The following SVIL variants were observed in gnomAD, a reference collection of about 807,000 sequenced individuals.
SVIL encodes the protein archvillin.
Under a neutral mutation model 240.4 loss-of-function variants are expected in SVIL, and 101 were observed. That is an observed-to-expected ratio of 0.42 (90% confidence interval 0.36 to 0.50). The LOEUF (loss-of-function observed/expected upper bound fraction) is 0.50, where lower values mean the gene tolerates loss of function less well. Among genes scored for constraint, SVIL ranks in the 20% least tolerant of loss-of-function variants. SVIL has a pLI of 0.01. For missense variants in SVIL, 2,512 were observed against 2,818.7 expected, an observed-to-expected ratio of 0.89 and a Z score of 2.46; for synonymous variants, 999 against 1,100.0, an observed-to-expected ratio of 0.91 and a Z score of 1.82.
intron 1 of SVIL, among the ~76,000 whole-genome samples, chr10:29,619,034 C>T (rs1226918340): frequency 6.6e-6 from 1 of 152,190 alleles, no homozygotes; most frequent in African/African-American, 2.4e-5. Context: ...AACAATCGAA[C>T]CCCTGAACGG....
intron 3 of SVIL, among the ~76,000 whole-genome samples, chr10:29,647,971 C>CAAAAAA (rs3030628): frequency 3.1e-5 from 3 of 96,284 alleles, no homozygotes; most frequent in East Asian, 3.4e-4. Context: ...TTGTCAATAT[C>CAAAAAA]AAAAAAAAAA....
At chr10:29,529,989 A>C (rs1951242187) in intron 11 of SVIL, 145 bp from the exon 12 acceptor site, 1 of 770,672 alleles carries the variant, frequency 1.3e-6, no homozygotes, top group Non-Finnish European at 2.0e-6. Flanking sequence ...TGGGCAACAA[A>C]GTGAGACCCC....
chr10:29,623,414 A>G (rs1412735956), intron 1 of SVIL, among the ~76,000 whole-genome samples: 1 of 152,222 alleles, frequency 6.6e-6, no homozygotes, highest in Non-Finnish European at 1.5e-5. Flanking sequence ...GTCCAGTTCT[A>G]CTGGCCAGTA....
chr10:29,592,758 A>G (rs1956438247), intron 1 of SVIL, among the ~76,000 whole-genome samples: 1 of 152,198 alleles, frequency 6.6e-6, no homozygotes, highest in South Asian at 2.1e-4. Context: ...TTCAAGCAAA[A>G]TCTGTGTGAC....
chr10:29,711,434 C>T (rs1014116909), intron 1 of SVIL, among the ~76,000 whole-genome samples: 1 of 150,512 alleles, frequency 6.6e-6, no homozygotes, highest in Non-Finnish European at 1.5e-5. Flanking sequence ...AAACAAATGC[C>T]ACCAACAAAA....
At position 29,561,577 on chromosome 10, in the gene SVIL, A is replaced by G. The variant is rs190832033; in HGVS notation, c.-51+1624T>C. Among the ~76,000 whole-genome samples, 1,151 of 150,874 alleles carry G rather than the reference A, an allele frequency of 7.6e-3. 21 individuals are homozygous for G. Among genetic ancestry groups the G allele is most frequent in the African/African-American group, 0.026 (1,087 of 41,268 alleles). Reference sequence around the variant, plus strand: ...GGTATTAAGCACTTTAGTTTGGCTCAGAGGAAATTTTTTTTTTTTTTTGTC... The same window carrying G: ...GGTATTAAGCACTTTAGTTTGGCTCGGAGGAAATTTTTTTTTTTTTTTGTC... On this transcript the variant is annotated intron_variant, in intron 3 of 37. Transcript: ENST00000355867.
chr10:29,661,090 CA>C (rs369493601), intron 2 of SVIL, among the ~76,000 whole-genome samples: 11 of 151,036 alleles, frequency 7.3e-5, no homozygotes, highest in African/African-American at 2.7e-4. Flanking sequence ...TCGCTTGAAC[CA>C]GGGAGTCGGA....
intron 1 of SVIL, among the ~76,000 whole-genome samples, chr10:29,729,470 TG>T (rs2132714772): frequency 6.7e-6 from 1 of 148,350 alleles, no homozygotes; most frequent in South Asian, 2.1e-4. Flanking sequence ...TGTGTGTGTG[TG>T]TGTGTGTGTG....
At chr10:29,696,880 C>G (rs1011324318) in intron 1 of SVIL, among the ~76,000 whole-genome samples, 3 of 149,950 alleles carry the variant, frequency 2.0e-5, no homozygotes, top group Admixed American at 2.0e-4. Context: ...CGCCTCTGCC[C>G]GGCCGCCCCT....
In SVIL at chr10:29,516,509, G is replaced by A. The variant is rs3780846; in HGVS notation, c.3390-3648C>T. On this transcript the variant is annotated intron_variant, in intron 16 of 37. Transcript: ENST00000355867. ...TCCTCCTGTGAGCTCACAGCCCTCC[G>A]GCTCACCGCAGACCACCAGGCTCTG... Among the ~76,000 whole-genome samples, 1,584 of 152,304 alleles carry A rather than the reference G, an allele frequency of 0.01. 153 individuals are homozygous for A. The East Asian group carries it at 0.21, about 20-fold the overall frequency.
rs1944222637 is a variant in SVIL at position 29,461,246 on chromosome 10, A to G, written c.6402+1031T>C. Among the ~76,000 whole-genome samples, 6 of 152,218 alleles carry G rather than the reference A, an allele frequency of 3.9e-5. No individual in the cohort carries two copies. The South Asian group carries it at 1.2e-3, about 31-fold the overall frequency. On this transcript the variant is annotated intron_variant, in intron 36 of 37. Transcript: ENST00000355867. ...TAACTCCTGAACTTAGACTGCATGC[A>G]GCAGCCATAGAGCTCGTAATCCCTA... is the stretch of plus-strand genomic sequence containing the variant.
intron 1 of SVIL, among the ~76,000 whole-genome samples, chr10:29,628,759 T>C (rs377466721): frequency 6.6e-6 from 1 of 152,218 alleles, no homozygotes; most frequent in Non-Finnish European, 1.5e-5. Context: ...GAAATGGACA[T>C]GTTGAACAAT....
intron 36 of SVIL, among the ~76,000 whole-genome samples, chr10:29,461,436 G>T (rs753712809): frequency 3.3e-5 from 5 of 152,056 alleles, no homozygotes; most frequent in Non-Finnish European, 5.9e-5. Flanking sequence ...TACCCAACAG[G>T]CCCTCTCCAT....
rs1367558611 is a variant in SVIL, at chr10:29,695,839, GTCTCCC to G, written c.-399-9194_-399-9189del. 5.4e-3 allele frequency among the ~76,000 whole-genome samples: 164 copies of G among 30,448 alleles called. 2 individuals are homozygous for G. Among genetic ancestry groups the G allele is most frequent in the Non-Finnish European group, 7.9e-3 (128 of 16,136 alleles). 20.0% of individuals were successfully genotyped at this position (30,448 alleles called of 152,430 possible). ...TCTCCCGTCTCCCTCTCCCTCTCCC[GTCTCCC>G]TCTCCCTCTCCCTCTCCCGTCTCCC... On this transcript the variant is annotated intron_variant, in intron 1 of 35. Coordinates refer to the SVIL transcript ENST00000375400.
At chr10:29,502,947 T>C (rs189976986) in intron 17 of SVIL, among the ~76,000 whole-genome samples, 114 of 152,328 alleles carry the variant, frequency 7.5e-4, no homozygotes, top group African/African-American at 2.6e-3. Flanking sequence ...AGATGTATTA[T>C]AAGGATTAGG....
chr10:29,566,815 C>T (rs957899159), intron 2 of SVIL, among the ~76,000 whole-genome samples: 7 of 152,134 alleles, frequency 4.6e-5, no homozygotes, highest in African/African-American at 7.2e-5. Flanking sequence ...ATGGAGCTCT[C>T]GGATGCTGGA....
At chr10:29,733,178 G>GAACAGAATAAT (rs1964715552) in intron 1 of SVIL, among the ~76,000 whole-genome samples, 1 of 152,298 alleles carries the variant, frequency 6.6e-6, no homozygotes, top group South Asian at 2.1e-4. Flanking sequence ...AGGAAGGGAA[G>GAACAGAATAAT]GATTCTGTTC....
chr10:29,509,470 G>C (rs770868998), intron 17 of SVIL, among the ~76,000 whole-genome samples: 54 of 152,180 alleles, frequency 3.5e-4, no homozygotes, highest in Admixed American at 2.2e-3. Context: ...CCTCATTTTG[G>C]GGGGAGGGTG....
intron 5 of SVIL, among the ~76,000 whole-genome samples, chr10:29,552,113 G>A (rs1290915265): frequency 1.7e-5 from 2 of 117,956 alleles, no homozygotes; most frequent in Non-Finnish European, 3.5e-5. Context: ...GCAAGACCTT[G>A]TCTCAAAAAA....
Sources: allele counts gnomAD v4.1 joint callset (sites outside exome capture counted in the v4.1 genomes callset), GRCh38; gene constraint gnomAD v4.1.1; transcripts MANE v1.5; gene names NCBI Gene and HGNC (gene_info 2026-07-23, HGNC 2026-07-21).